The following PTGER4 variants were observed in gnomAD, a reference collection of about 807,000 sequenced individuals.
PTGER4 encodes the protein prostaglandin E2 receptor EP4 subtype.
PTGER4 carries 11 observed loss-of-function variants against 33.2 expected under a neutral mutation model. The observed-to-expected ratio is 0.33, with a 90% CI of 0.21 to 0.55. The LOEUF (loss-of-function observed/expected upper bound fraction) is 0.55, where lower values mean the gene tolerates loss of function less well. Among genes scored for constraint, PTGER4 ranks in the 20% least tolerant of loss-of-function variants. The probability of loss-of-function intolerance (pLI) is 0.92; values close to 1 mark genes in which losing one functional copy is unlikely to be tolerated. For synonymous variants in PTGER4, 275 were observed against 281.5 expected (o/e 0.98, Z 0.23); for missense variants, 481 against 650.2 (o/e 0.74, Z 2.83).
At chr5:40,695,933 G>GA (rs1171161594), downstream of PTGER4, among the ~76,000 whole-genome samples, 1 of 152,164 alleles carries the variant, frequency 6.6e-6, no homozygotes, top group East Asian at 1.9e-4. Flanking sequence ...AAGTGGGGAG[G>GA]TGGGGGAGAG....
chr5:40,682,181 C>T (rs1411754523), intron 2 of PTGER4, among the ~76,000 whole-genome samples: 2 of 151,906 alleles, frequency 1.3e-5, no homozygotes, highest in Non-Finnish European at 2.9e-5. Flanking sequence ...CCCGCCCCCT[C>T]TGTTAGACGT....
the PTGER4 span, among the ~76,000 whole-genome samples, chr5:40,733,232 T>G: frequency 6.6e-6 from 1 of 152,046 alleles, no homozygotes; most frequent in African/African-American, 2.4e-5. Flanking sequence ...ATGTTTGAGG[T>G]TTCAGGAGTC....
the PTGER4 span, among the ~76,000 whole-genome samples, chr5:40,744,076 T>G: frequency 6.6e-6 from 1 of 152,216 alleles, no homozygotes; most frequent in East Asian, 1.9e-4. Flanking sequence ...TTAATGAACT[T>G]TTAACAGGCA....
rs1489113154 is a variant in PTGER4 at position 40,693,070 on chromosome 5, A to G, written c.*692A>G. 1.1e-6 allele frequency: 1 copy of G among 922,896 alleles called. No homozygotes were observed. Among genetic ancestry groups the G allele is most frequent in the Non-Finnish European group, 1.3e-6 (1 of 772,900 alleles). The allele number at this position is 922,896 out of a possible 1,614,324, so 57.2% of individuals were successfully genotyped here. ...GTATTATCAAAGGGATAAAGAAAAAAATACTATTTAAGATGTGAAAATTAC... is the reference window on the plus strand; with the variant it reads ...GTATTATCAAAGGGATAAAGAAAAAGATACTATTTAAGATGTGAAAATTAC... On this transcript the variant is annotated 3_prime_UTR_variant, in exon 3 of 3. Coordinates refer to ENST00000302472, the MANE Select transcript of PTGER4 (RefSeq NM_000958.3).
the PTGER4 span, among the ~76,000 whole-genome samples, chr5:40,722,502 G>C: frequency 6.7e-6 from 1 of 149,894 alleles, no homozygotes; most frequent in Non-Finnish European, 1.5e-5. Context: ...GATGTGGGGA[G>C]CGCCTCTGCC....
the PTGER4 span, among the ~76,000 whole-genome samples, chr5:40,740,346 G>A: frequency 6.6e-6 from 1 of 151,374 alleles, no homozygotes. Context: ...CTGGTAATGG[G>A]TTATCTCAGC....
chr5:40,727,195 A>C, the PTGER4 span, among the ~76,000 whole-genome samples: 1 of 152,270 alleles, frequency 6.6e-6, no homozygotes, highest in African/African-American at 2.4e-5. Flanking sequence ...ACTGTTAGTA[A>C]GTTTATATTT....
chr5:40,726,699 C>T, the PTGER4 span, among the ~76,000 whole-genome samples: 101,114 of 151,580 alleles, frequency 0.67, 33,890 homozygotes, highest in East Asian at 0.8. Context: ...AAAGTATCTC[C>T]GTCTCACCTG....
At position 40,681,953 on chromosome 5, in the gene PTGER4, G is replaced by A. The variant is rs1472407517; in HGVS notation, c.867+93G>A. On this transcript the variant is annotated intron_variant, in intron 2 of 2. Transcript: ENST00000302472. The surrounding 1 kb of genome is among the most constrained non-coding windows in gnomAD (Gnocchi z 9.8). ...CTCCCTGCTTTCCCTCTGAGTCCTT[G>A]GCAGTGAACGTGTCGCCTTTAGGTC... The A allele has an allele frequency of 1.4e-6, 2 of 1,392,912 alleles. No homozygotes were observed. The highest frequency in any genetic ancestry group is 3.0e-5 in the African/African-American group (2 of 65,718). 86.3% of individuals were successfully genotyped at this position (1,392,912 alleles called of 1,614,324 possible).
downstream of PTGER4, among the ~76,000 whole-genome samples, chr5:40,696,268 A>G (rs1386634188): frequency 6.6e-6 from 1 of 152,138 alleles, no homozygotes. Flanking sequence ...ATGCAGAAAA[A>G]TTTCCATTAC....
chr5:40,697,212 GAAAAAGAAAGA>G (rs1741620817), downstream of PTGER4, among the ~76,000 whole-genome samples: 5 of 109,132 alleles, frequency 4.6e-5, no homozygotes, highest in African/African-American at 1.8e-4. Flanking sequence ...AAGAAAGAAA[GAAAAAGAAAGA>G]AGAAAAGAAA....
At chr5:40,733,911 C>T in the PTGER4 span, among the ~76,000 whole-genome samples, 1 of 152,168 alleles carries the variant, frequency 6.6e-6, no homozygotes, top group African/African-American at 2.4e-5. Context: ...CAGACATACA[C>T]ACACACACGT....
the PTGER4 span, among the ~76,000 whole-genome samples, chr5:40,725,014 T>C: frequency 5.9e-5 from 9 of 152,060 alleles, no homozygotes; most frequent in South Asian, 1.9e-3. Flanking sequence ...GCCTGGCTAA[T>C]TTTTGTATTT....
At chr5:40,688,898 G>T (rs4383756) in intron 2 of PTGER4, among the ~76,000 whole-genome samples, 101,875 of 152,022 alleles carry the variant, frequency 0.67, 34,284 homozygotes, top group East Asian at 0.8. Context: ...CTTCCATATA[G>T]GAAGATATTA....
chr5:40,714,741 G>T, the PTGER4 span: 2 of 152,188 alleles, frequency 1.3e-5, no homozygotes, highest in Non-Finnish European at 2.9e-5. Context: ...CCTGAAAAGA[G>T]ATATGCATTC....
chr5:40,681,234 A>G lies in PTGER4; in HGVS notation c.241A>G (p.Met81Val). The change falls in exon 2 of 3, where the codon ATG becomes GTG. Residue 81 changes from methionine to valine, a missense_variant. By Grantham distance (21) the Met-to-Val change is conservative. Around this residue, in one of 7 missense-constraint regions of PTGER4, gnomAD observed 61 missense variants for 145.2 expected, o/e 0.42. Transcript: ENST00000302472. This position sits in a 1 kb window ranked among gnomAD's most constrained non-coding sequence, Gnocchi z 9.8. ...GAGCCCGGTGACCATCGCCACGTAC[A>G]TGAAGGGCCAATGGCCCGGGGGCCA... ...LVSPVTIATY[M>V]KGQWPGGQPL... The G allele has an allele frequency of 2.5e-6, 4 of 1,614,138 alleles. No individual in the cohort carries two copies. Among genetic ancestry groups the G allele is most frequent in the Non-Finnish European group, 3.4e-6 (4 of 1,180,030 alleles).
At chr5:40,703,278 A>G in the PTGER4 span, among the ~76,000 whole-genome samples, 1 of 152,194 alleles carries the variant, frequency 6.6e-6, no homozygotes, top group Non-Finnish European at 1.5e-5. Flanking sequence ...GAGAAGATCC[A>G]AATAAACACA....
chr5:40,690,256 C>T (rs533815489), intron 2 of PTGER4, among the ~76,000 whole-genome samples: 2 of 152,124 alleles, frequency 1.3e-5, no homozygotes, highest in Non-Finnish European at 2.9e-5. Context: ...AGGAGGATTG[C>T]TGGAGCCTAG....
downstream of PTGER4, among the ~76,000 whole-genome samples, chr5:40,697,362 G>A (rs1425032697): frequency 3.9e-5 from 6 of 152,072 alleles, no homozygotes; most frequent in Non-Finnish European, 8.8e-5. Flanking sequence ...GAGGCAGGCG[G>A]ATCACCTGAG....
Sources: gnomAD v4.1 joint callset for allele counts (sites outside exome capture counted in the v4.1 genomes callset) on GRCh38, gnomAD v4.1.1 for gene constraint, gnomAD v4.1.1 regional missense constraint, Gnocchi (gnomAD v3.1) non-coding constraint, MANE v1.5 for transcripts, NCBI Gene and HGNC (gene_info 2026-07-23, HGNC 2026-07-21) for gene names.